Variants in MFSD11 observed in about 807,000 individuals in gnomAD.
MFSD11 encodes major facilitator superfamily domain containing 11.
In MFSD11, 36 loss-of-function variants were observed where a neutral mutation model predicts 53.5. The ratio of observed to expected loss-of-function variants is 0.67; its 90% CI spans 0.52 to 0.89. MFSD11 has a LOEUF of 0.89. MFSD11 is among the 40% of genes least tolerant of loss of function. MFSD11 has a pLI of 0.00. For missense variants in MFSD11, 530 were observed against 543.9 expected (o/e 0.97, Z 0.25); for synonymous variants, 186 against 184.9 (o/e 1.01, Z -0.05).
At chr17:76,773,927 TA>T (rs1359892109) in intron 10 of MFSD11, among the ~76,000 whole-genome samples, 1 of 151,152 alleles carries the variant, frequency 6.6e-6, no homozygotes. Flanking sequence ...TTTTTTAAAT[TA>T]TTTTTTTATT....
upstream of MFSD11, chr17:76,736,778 G>T: frequency 7.1e-7 from 1 of 1,416,852 alleles, no homozygotes. Context: ...CGCCTCCCGC[G>T]GTCCCCTCAG....
At position 76,742,208 on chromosome 17, in the gene MFSD11, A is replaced by G. The variant is rs376341091; in HGVS notation, c.372A>G (p.Thr124=). 2 of 1,614,216 alleles carry G rather than the reference A, an allele frequency of 1.2e-6. No homozygotes were observed. The highest frequency in any genetic ancestry group is 1.1e-5 in the South Asian group (1 of 91,084). ...VLWTAQGNCL[T]INSDEHSIGR... The stretch of plus-strand genomic sequence containing the variant: ...GGACAGCACAAGGAAACTGCCTGAC[A>G]ATCAATTCGGATGAGCACAGCATTG... The change falls in exon 5 of 13, where the codon ACA becomes ACG. Residue 124 remains threonine (T), a synonymous_variant. Transcript: ENST00000685175.
Position 76,743,474 on chromosome 17 carries a change from T to C in MFSD11, c.496+18T>C. The C allele has an allele frequency of 6.6e-7, 1 of 1,523,316 alleles. No homozygotes were observed. The highest frequency in any genetic ancestry group is 8.9e-7 in the Non-Finnish European group (1 of 1,122,580). 94.4% of individuals were successfully genotyped at this position (1,523,316 alleles called of 1,614,324 possible). A position where few individuals can be genotyped will look rare whatever the true frequency, so the allele number is the denominator to read the frequency against. ...GATATCAGGTTTGTTTTATTCGCGTTGCTTTATTCAGATATGTTCAAAGCA... is the reference window on the plus strand; with the variant it reads ...GATATCAGGTTTGTTTTATTCGCGTCGCTTTATTCAGATATGTTCAAAGCA... On this transcript the variant is annotated intron_variant, in intron 6 of 12. Coordinates refer to ENST00000685175, the MANE Select transcript of MFSD11 (RefSeq NM_001242532.5).
intron 9 of MFSD11, among the ~76,000 whole-genome samples, chr17:76,768,454 C>A (rs1206488783): frequency 6.6e-6 from 1 of 151,974 alleles, no homozygotes; most frequent in Non-Finnish European, 1.5e-5. Context: ...AATCTTTTCC[C>A]TTATGTGCCT....
chr17:76,782,444 G>A (rs1249509828), downstream of MFSD11, among the ~76,000 whole-genome samples: 3 of 148,924 alleles, frequency 2.0e-5, no homozygotes, highest in Non-Finnish European at 4.4e-5. Flanking sequence ...CAAAGTGCTG[G>A]GATTACAGGC....
intron 6 of MFSD11, among the ~76,000 whole-genome samples, chr17:76,744,076 C>T (rs530484775): frequency 6.6e-6 from 1 of 152,280 alleles, no homozygotes; most frequent in Non-Finnish European, 1.5e-5. Flanking sequence ...TCTCTGGACC[C>T]TTCTTTGATT....
intron 2 of MFSD11, among the ~76,000 whole-genome samples, chr17:76,739,916 C>T (rs1299838444): frequency 6.6e-6 from 1 of 151,942 alleles, no homozygotes; most frequent in Non-Finnish European, 1.5e-5. Flanking sequence ...CCTGTAATCC[C>T]AGCGCTTTGG....
In MFSD11 at chr17:76,776,248, G is replaced by C. The variant is rs1050131211; in HGVS notation, c.1050-158G>C. On this transcript the variant is annotated intron_variant, in intron 11 of 12. Transcript: ENST00000685175. This position sits in a 1 kb window ranked among gnomAD's most constrained non-coding sequence, Gnocchi z 4.2. ...CCCACCTCAGCCTCCCAAAGTGCTGGGATTCCAGGTGTGAGCCACCGCACC... is the reference window on the plus strand; with the variant it reads ...CCCACCTCAGCCTCCCAAAGTGCTGCGATTCCAGGTGTGAGCCACCGCACC... Among the ~76,000 whole-genome samples the C allele has an allele frequency of 6.6e-6, 1 of 152,152 alleles. No individual in the cohort carries two copies. The highest frequency in any genetic ancestry group is 2.4e-5 in the African/African-American group (1 of 41,426).
chr17:76,753,029 G>A (rs1031780735), intron 7 of MFSD11: 2 of 29,818 alleles, frequency 6.7e-5, no homozygotes, highest in African/African-American at 2.7e-4. Flanking sequence ...AAAAAATCTT[G>A]TTCCATAAAA....
intron 10 of MFSD11, among the ~76,000 whole-genome samples, chr17:76,771,939 G>A (rs2081400972): frequency 6.6e-6 from 1 of 152,078 alleles, no homozygotes; most frequent in Non-Finnish European, 1.5e-5. Flanking sequence ...GGGACTCGTG[G>A]GCTGGAGGTT....
chr17:76,760,548 T>A (rs1426855767), intron 8 of MFSD11, among the ~76,000 whole-genome samples: 1 of 150,008 alleles, frequency 6.7e-6, no homozygotes, highest in East Asian at 2.0e-4. Flanking sequence ...TTAAACGGAG[T>A]GTCGGGAGTT....
At chr17:76,786,342 G>C (rs540926541), downstream of MFSD11, among the ~76,000 whole-genome samples, 6 of 151,680 alleles carry the variant, frequency 4.0e-5, no homozygotes, top group Admixed American at 6.6e-5. Context: ...ACAGGGTTTC[G>C]CCATGTTGGC....
rs1429081357 is a variant in MFSD11 at position 76,776,499 on chromosome 17, T to C, written c.1143T>C (p.Ser381=). Residue 381 remains serine (S), a synonymous_variant, in exon 12 of 13, where the codon TCT becomes TCC. Transcript: ENST00000685175. The surrounding 1 kb of genome is among the most constrained non-coding windows in gnomAD (Gnocchi z 4.2). The stretch of plus-strand genomic sequence containing the variant: ...TTAGTATCTTGGGCTTTCTGTATTC[T>C]GAAGACAGCGCCCCAGCATTTGCCA... The part of the protein sequence containing the change: ...QLLSILGFLY[S]EDSAPAFAIF... 1 of 1,614,058 alleles carries C rather than the reference T, an allele frequency of 6.2e-7. No individual in the cohort carries two copies. The highest frequency in any genetic ancestry group is 2.2e-5 in the East Asian group (1 of 44,898).
chr17:76,737,174 G>A (rs2077547442), upstream of MFSD11: 1 of 1,539,718 alleles, frequency 6.5e-7, no homozygotes, highest in East Asian at 2.4e-5. Flanking sequence ...TCTGAGTGGC[G>A]GCCCGGAGCC....
At chr17:76,785,357 G>T (rs1049387193), downstream of MFSD11, among the ~76,000 whole-genome samples, 6 of 152,112 alleles carry the variant, frequency 3.9e-5, no homozygotes, top group Non-Finnish European at 2.9e-5. Context: ...TTATTTTTGA[G>T]GCAGGGTCTT....
the MFSD11 span, among the ~76,000 whole-genome samples, chr17:76,790,146 A>G: frequency 7.2e-6 from 1 of 138,176 alleles, no homozygotes; most frequent in African/African-American, 2.7e-5. Context: ...CAGTGGCGTG[A>G]TCTTGGCTCA....
chr17:76,741,137 C>A, intron 3 of MFSD11, 73 bp downstream of exon 3: 1 of 986,740 alleles, frequency 1.0e-6, no homozygotes, highest in Non-Finnish European at 1.6e-6. Context: ...GTAAACTTCA[C>A]AATAATTTAT....
intron 8 of MFSD11, 29 bp downstream of exon 8, chr17:76,754,116 G>A: frequency 6.5e-7 from 1 of 1,547,012 alleles, no homozygotes; most frequent in East Asian, 2.3e-5. Context: ...TGAAATGCAA[G>A]AACTGTTCAG....
the MFSD11 span, among the ~76,000 whole-genome samples, chr17:76,794,693 TTTTTTTTTTTTTG>T: frequency 2.8e-4 from 1 of 3,518 alleles, no homozygotes; most frequent in East Asian, 0.011. Context: ...TTTTTTTTTT[TTTTTTTTTTTTTG>T]TTTTGAGATG....
Sources: allele counts gnomAD v4.1 joint callset (sites outside exome capture counted in the v4.1 genomes callset), GRCh38; gene constraint gnomAD v4.1.1; non-coding constraint Gnocchi (gnomAD v3.1); transcripts MANE v1.5; gene names NCBI Gene and HGNC (gene_info 2026-07-23, HGNC 2026-07-21).